The following CCL25 variants were observed in gnomAD, a reference collection of about 807,000 sequenced individuals.
CCL25 encodes C-C motif chemokine ligand 25.
Under a neutral mutation model 19.9 loss-of-function variants are expected in CCL25, and 14 were observed. The observed-to-expected ratio is 0.70, with a 90% CI of 0.47 to 1.10. CCL25 has a LOEUF of 1.10. Among genes scored for constraint, CCL25 ranks in the 50% least tolerant of loss-of-function variants. The pLI is 0.00. For synonymous variants in CCL25, 68 were observed against 73.2 expected, an observed-to-expected ratio of 0.93 and a Z score of 0.36; for missense variants, 151 against 181.2, an observed-to-expected ratio of 0.83 and a Z score of 0.96.
At chr19:8,058,006 G>A (rs548907447) in intron 5 of CCL25, 86 bp downstream of exon 5, 2 of 1,537,478 alleles carry the variant, frequency 1.3e-6, no homozygotes, top group East Asian at 2.4e-5. Flanking sequence ...ACTGGGACAG[G>A]AGATTCACCT....
At chr19:8,058,385 A>C (rs548786584) in intron 5 of CCL25, among the ~76,000 whole-genome samples, 1 of 122,234 alleles carries the variant, frequency 8.2e-6, no homozygotes, top group East Asian at 2.1e-4. Context: ...TATATATAAT[A>C]TATAAGTAAA....
rs756112541 is a variant in CCL25 at position 8,053,133 on chromosome 19, C to T, written c.73+11C>T. 9.1e-6 allele frequency: 14 copies of T among 1,537,484 alleles called. No homozygotes were observed. Among genetic ancestry groups the T allele is most frequent in the East Asian group, 4.9e-5 (2 of 40,706 alleles). On this transcript the variant is annotated intron_variant, in intron 2 of 5. Transcript: ENST00000315626. The stretch of plus-strand genomic sequence containing the variant: ...CTGTCCACACCCAAGGTACTGTGTT[C>T]GGCAATGCCTACCACCAAGTGCCCC...
intron 2 of CCL25, among the ~76,000 whole-genome samples, chr19:8,054,620 C>T (rs2081255874): frequency 6.6e-6 from 1 of 152,118 alleles, no homozygotes; most frequent in African/African-American, 2.4e-5. Context: ...TCGGCTCATT[C>T]ATTCCACCTG....
chr19:8,057,561 G>A (rs952888303), intron 4 of CCL25, among the ~76,000 whole-genome samples: 5 of 151,864 alleles, frequency 3.3e-5, no homozygotes, highest in African/African-American at 1.2e-4. Flanking sequence ...TGAACCCCTG[G>A]ACTCAAGCAA....
intron 2 of CCL25, among the ~76,000 whole-genome samples, chr19:8,055,480 C>T (rs1428103464): frequency 1.1e-4 from 17 of 151,272 alleles, no homozygotes; most frequent in African/African-American, 2.7e-4. Flanking sequence ...GGACTCCAGG[C>T]GCCCACCACC....
intron 2 of CCL25, among the ~76,000 whole-genome samples, chr19:8,053,669 C>G (rs1210408059): frequency 6.6e-6 from 1 of 151,946 alleles, no homozygotes; most frequent in African/African-American, 2.4e-5. Context: ...CTGCCTCAGC[C>G]TCCCAAGTAG....
At chr19:8,055,195 A>G (rs2081260655) in intron 2 of CCL25, among the ~76,000 whole-genome samples, 1 of 126,382 alleles carries the variant, frequency 7.9e-6, no homozygotes, top group African/African-American at 2.9e-5. Context: ...AGGCTGAGGC[A>G]GGAGAATCGC....
At position 8,053,121 on chromosome 19, in the gene CCL25, AG is replaced by A. The variant is rs1171495122; in HGVS notation, c.73+1del. 6 of 1,553,016 alleles carry A rather than the reference AG, an allele frequency of 3.9e-6. No homozygotes were observed. The Admixed American group carries it at 7.7e-5, about 20-fold the overall frequency. ...GAWAPAVHTQ[G>X]VFEDCCLAYH... Reference sequence around the variant, plus strand: ...CCTGGGCCCCCGCTGTCCACACCCAAGGTACTGTGTTCGGCAATGCCTACCA... The same window carrying A: ...CCTGGGCCCCCGCTGTCCACACCCAAGTACTGTGTTCGGCAATGCCTACCA... On this transcript the variant is annotated frameshift_variant and splice_region_variant, in exon 2 of 6. Coordinates refer to ENST00000315626, the MANE Select transcript of CCL25 (RefSeq NM_005624.4). LOFTEE classifies it high-confidence loss of function.
intron 4 of CCL25, among the ~76,000 whole-genome samples, chr19:8,057,469 ACAGG>A (rs2081280898): frequency 6.6e-6 from 1 of 152,142 alleles, no homozygotes. Context: ...AGCTGGGATT[ACAGG>A]CACACACCAC....
At chr19:8,053,195 A>G in intron 2 of CCL25, 73 bp downstream of exon 2, 1 of 949,752 alleles carries the variant, frequency 1.1e-6, no homozygotes, top group Non-Finnish European at 1.6e-6. Context: ...TTTGTCTCTT[A>G]TCTCCTCCGG....
At chr19:8,057,761 A>G (rs754778403) in intron 4 of CCL25, 40 bp from the exon 5 acceptor site, 14 of 1,580,982 alleles carry the variant, frequency 8.9e-6, no homozygotes, top group Non-Finnish European at 1.2e-5. Context: ...TCAAAGGATG[A>G]TGGCAGAGCT....
At chr19:8,056,048 G>C (rs1277006239) in intron 2 of CCL25, 104 bp from the exon 3 acceptor site, 5 of 738,432 alleles carry the variant, frequency 6.8e-6, no homozygotes, top group Non-Finnish European at 1.1e-5. Context: ...TGGAAGGGTT[G>C]TGGTATGAGC....
At chr19:8,061,002 T>C (rs1352923252) in intron 5 of CCL25, among the ~76,000 whole-genome samples, 11 of 146,096 alleles carry the variant, frequency 7.5e-5, no homozygotes, top group Non-Finnish European at 1.7e-4. Context: ...TTTTTTTTTT[T>C]TGAGACAGAG....
chr19:8,058,118 G>A (rs920441255), intron 5 of CCL25, among the ~76,000 whole-genome samples, 198 bp downstream of exon 5: 7 of 151,796 alleles, frequency 4.6e-5, no homozygotes, highest in African/African-American at 1.7e-4. Flanking sequence ...AGACACCACA[G>A]CAAGTGAGAA....
At chr19:8,057,327 A>C (rs2081280097) in intron 4 of CCL25, among the ~76,000 whole-genome samples, 1 of 140,592 alleles carries the variant, frequency 7.1e-6, no homozygotes, top group African/African-American at 2.7e-5. Flanking sequence ...GCTCCAGCTC[A>C]TTATTATTAT....
At chr19:8,060,815 G>C (rs1222215663) in intron 5 of CCL25, among the ~76,000 whole-genome samples, 1 of 151,764 alleles carries the variant, frequency 6.6e-6, no homozygotes, top group East Asian at 1.9e-4. Flanking sequence ...GGAGTAGCTG[G>C]GACTACAGGC....
At position 8,056,266 on chromosome 19, in the gene CCL25, C is replaced by T. The variant is rs774085160; in HGVS notation, c.188C>T (p.Ala63Val). ...EVSGSCNLPA[A>V]IFYLPKRHRK... Reference sequence around the variant, plus strand: ...AGCGGGAGCTGCAATCTGCCTGCTGCGATGTGAGTGGGGCCGTGGGGGCTG... The same window carrying T: ...AGCGGGAGCTGCAATCTGCCTGCTGTGATGTGAGTGGGGCCGTGGGGGCTG... Residue 63 changes from alanine to valine, a missense_variant, in exon 3 of 6, where the codon GCG becomes GTG. By Grantham distance (64) the Ala-to-Val change is moderately conservative (BLOSUM62 0). Transcript: ENST00000315626. 37 of 1,243,372 alleles carry T rather than the reference C, an allele frequency of 3.0e-5. No homozygotes were observed. Among genetic ancestry groups the T allele is most frequent in the African/African-American group, 2.3e-4 (12 of 51,418 alleles). 77.0% of individuals were successfully genotyped at this position (1,243,372 alleles called of 1,614,324 possible). A position where few individuals can be genotyped will look rare whatever the true frequency, so the allele number is the denominator to read the frequency against.
Position 8,056,394 on chromosome 19 carries a change from G to T in CCL25, c.220G>T (p.Val74Leu), listed in dbSNP as rs767860072. The change falls in exon 4 of 6, where the codon GTG becomes TTG. Residue 74 changes from valine (V) to leucine (L), a missense_variant. Val to Leu is a conservative substitution (Grantham distance 32, BLOSUM62 1). Coordinates refer to ENST00000315626, the MANE Select transcript of CCL25 (RefSeq NM_005624.4). ...IFYLPKRHRK[V>L]CGNPKSREVQ... ...CTACCTCCCCAAGAGACACAGGAAG[G>T]TGTGTGGGAACCCCAAAAGCAGGGA... 6.2e-7 allele frequency: 1 copy of T among 1,613,888 alleles called. No homozygotes were observed.
chr19:8,057,416 T>C (rs2081280622), intron 4 of CCL25, among the ~76,000 whole-genome samples: 1 of 151,968 alleles, frequency 6.6e-6, no homozygotes, highest in African/African-American at 2.4e-5. Flanking sequence ...TGCAGCCTTG[T>C]GTTCCTGGGC....
Sources: allele counts gnomAD v4.1 joint callset (sites outside exome capture counted in the v4.1 genomes callset), GRCh38; gene constraint gnomAD v4.1.1; transcripts MANE v1.5; gene names NCBI Gene and HGNC (gene_info 2026-07-23, HGNC 2026-07-21).